The following KYAT3 variants were observed in gnomAD, a reference collection of about 807,000 sequenced individuals.
KYAT3 encodes the protein kynurenine aminotransferase 3.
Under a neutral mutation model 59.0 loss-of-function variants are expected in KYAT3, and 50 were observed. The ratio of observed to expected loss-of-function variants is 0.85; its 90% CI spans 0.68 to 1.07. KYAT3 has a LOEUF of 1.07. Among genes scored for constraint, KYAT3 ranks in the 50% least tolerant of loss-of-function variants. The pLI, the probability that KYAT3 is intolerant of heterozygous loss-of-function variation, is 0.00. For synonymous variants in KYAT3, 148 were observed against 177.0 expected (o/e 0.84, Z 1.30); for missense variants, 497 against 533.3 (o/e 0.93, Z 0.67).
intron 10 of KYAT3, among the ~76,000 whole-genome samples, chr1:88,950,164 A>T (rs1675614539): frequency 1.3e-5 from 2 of 152,214 alleles, no homozygotes; most frequent in South Asian, 4.1e-4. Flanking sequence ...CCTCCAGAAC[A>T]GTGAGAAATA....
At chr1:88,978,457 T>TC (rs1379608788) in intron 2 of KYAT3, among the ~76,000 whole-genome samples, 5 of 151,990 alleles carry the variant, frequency 3.3e-5, no homozygotes, top group African/African-American at 1.2e-4. Flanking sequence ...CACCTCAGCC[T>TC]CCCAAGTAGC....
At chr1:88,928,966 G>A in the KYAT3 span, among the ~76,000 whole-genome samples, 1 of 152,128 alleles carries the variant, frequency 6.6e-6, no homozygotes, top group African/African-American at 2.4e-5. Flanking sequence ...AAAAGCAGGG[G>A]CCATTATACA....
chr1:88,963,427 TCAAAGTTGTAAAAGAATAACATAACA>T (rs1176182484), intron 5 of KYAT3, among the ~76,000 whole-genome samples: 1 of 152,168 alleles, frequency 6.6e-6, no homozygotes, highest in Admixed American at 6.5e-5. Flanking sequence ...GTGAAGGGAA[TCAAAGTTGTAAAAGAATAACATAACA>T]CAAAGCAGAT....
chr1:88,991,857 G>A (rs1677815467), intron 1 of KYAT3, among the ~76,000 whole-genome samples: 1 of 152,268 alleles, frequency 6.6e-6, no homozygotes, highest in Non-Finnish European at 1.5e-5. Context: ...CGTGGGCGAA[G>A]CGAAGGAAGG....
the KYAT3 span, among the ~76,000 whole-genome samples, chr1:88,924,042 T>C: frequency 2.0e-5 from 3 of 152,226 alleles, no homozygotes; most frequent in Non-Finnish European, 4.4e-5. Context: ...TTGTGACCAG[T>C]ACTGTTTGCA....
chr1:88,954,178 G>T (rs6692335), intron 9 of KYAT3, among the ~76,000 whole-genome samples: 1 of 151,982 alleles, frequency 6.6e-6, no homozygotes, highest in African/African-American at 2.4e-5. Flanking sequence ...GATTACAGGC[G>T]TGCGCTACCA....
intron 2 of KYAT3, chr1:88,980,599 C>G (rs1451931070): frequency 2.0e-5 from 3 of 152,608 alleles, no homozygotes; most frequent in African/African-American, 7.2e-5. Flanking sequence ...GAATCAAGAT[C>G]TGATTCTTTT....
chr1:88,973,804 A>T (rs1229902865), intron 2 of KYAT3, among the ~76,000 whole-genome samples: 1 of 152,196 alleles, frequency 6.6e-6, no homozygotes, highest in Non-Finnish European at 1.5e-5. Flanking sequence ...CTAATACTGT[A>T]TGTTGAACCC....
chr1:88,962,064 TC>T lies in KYAT3; in HGVS notation c.534del (p.Arg179AspfsTer17), dbSNP rs1173662023. 4 of 1,612,896 alleles carry T rather than the reference TC, an allele frequency of 2.5e-6. No individual in the cohort carries two copies. Among genetic ancestry groups the T allele is most frequent in the Non-Finnish European group, 3.4e-6 (4 of 1,178,888 alleles). On this transcript the variant is annotated frameshift_variant, in exon 6 of 14. Coordinates refer to ENST00000260508, the MANE Select transcript of KYAT3 (RefSeq NM_001008661.3). LOFTEE classifies it high-confidence loss of function. Reference protein sequence around the residue: ...MAGATPVFIPLRSKPVYGKRW... With the variant: ...MAGATPVFIPXRSKPVYGKRW... ...AACCATACTGGCAAACTTACAGATC[TC>T]AGGGGAATAAAAACAGGTGTTGCTC... is the stretch of plus-strand genomic sequence containing the variant.
chr1:88,962,562 C>T (rs1676187934), intron 5 of KYAT3, among the ~76,000 whole-genome samples: 1 of 152,086 alleles, frequency 6.6e-6, no homozygotes, highest in Non-Finnish European at 1.5e-5. Flanking sequence ...AGACAGCAGG[C>T]TATGTGGGAA....
Position 88,957,501 on chromosome 1 carries a change from T to C in KYAT3, c.788-2276A>G, listed in dbSNP as rs373877379. Among the ~76,000 whole-genome samples the C allele has an allele frequency of 2.0e-5, 3 of 152,328 alleles. No homozygotes were observed. The East Asian group carries it at 5.8e-4, about 29-fold the overall frequency. On this transcript the variant is annotated intron_variant, in intron 8 of 13. Coordinates refer to ENST00000260508, the MANE Select transcript of KYAT3 (RefSeq NM_001008661.3). ...TTTTGTAGCCATTTTGCATCTTTAA[T>C]GTAACAAAGACTATTGTATTCGATA...
chr1:88,926,198 T>C, the KYAT3 span, among the ~76,000 whole-genome samples: 12 of 152,362 alleles, frequency 7.9e-5, no homozygotes, highest in African/African-American at 2.9e-4. Flanking sequence ...GGGTCTATTC[T>C]GTTAGAAAAA....
intron 5 of KYAT3, among the ~76,000 whole-genome samples, chr1:88,963,707 T>C (rs1292869606): frequency 6.6e-6 from 1 of 152,246 alleles, no homozygotes; most frequent in East Asian, 1.9e-4. Flanking sequence ...GAATCTATCT[T>C]TAAAACATCT....
chr1:88,927,081 CA>C, the KYAT3 span, among the ~76,000 whole-genome samples: 6 of 152,252 alleles, frequency 3.9e-5, no homozygotes, highest in African/African-American at 1.4e-4. Context: ...ATCCGATAAG[CA>C]GAGGTCCATG....
intron 5 of KYAT3, chr1:88,964,593 G>A: frequency 4.7e-6 from 2 of 428,180 alleles, no homozygotes; most frequent in South Asian, 4.3e-5. Flanking sequence ...GAACAAAGAA[G>A]TTTTCTGGGT....
intron 11 of KYAT3, among the ~76,000 whole-genome samples, chr1:88,945,694 A>G (rs1372173241): frequency 6.6e-6 from 1 of 152,224 alleles, no homozygotes; most frequent in Non-Finnish European, 1.5e-5. Flanking sequence ...TTTCATGAAT[A>G]TTATGGTTTA....
chr1:88,968,299 C>T (rs1197198719), intron 4 of KYAT3, among the ~76,000 whole-genome samples: 1 of 152,010 alleles, frequency 6.6e-6, no homozygotes, highest in Non-Finnish European at 1.5e-5. Context: ...TGAGCTGGCA[C>T]AAGGAGGAAA....
intron 2 of KYAT3, chr1:88,983,698 A>C (rs369170630): frequency 1.2e-6 from 2 of 1,613,882 alleles, no homozygotes; most frequent in African/African-American, 2.7e-5. Context: ...TGTTGGTTTC[A>C]CGGTCTTTTA....
chr1:88,933,485 G>A (rs976911689), downstream of KYAT3, among the ~76,000 whole-genome samples: 1 of 151,902 alleles, frequency 6.6e-6, no homozygotes, highest in Admixed American at 6.6e-5. Flanking sequence ...GGGAGGAGGA[G>A]GAGAGAGAGG....
Sources: gnomAD v4.1 joint callset for allele counts (sites outside exome capture counted in the v4.1 genomes callset) on GRCh38, gnomAD v4.1.1 for gene constraint, MANE v1.5 for transcripts, NCBI Gene and HGNC (gene_info 2026-07-23, HGNC 2026-07-21) for gene names.